The following PAM variants were observed in gnomAD, a reference collection of about 807,000 sequenced individuals.
PAM encodes the protein peptidylglycine alpha-amidating monooxygenase, also known as peptidyl-glycine alpha-amidating monooxygenase.
Under a neutral mutation model 122.1 loss-of-function variants are expected in PAM, and 72 were observed. That is an observed-to-expected ratio of 0.59 (90% CI 0.49 to 0.72). The LOEUF is 0.72. Among genes scored for constraint, PAM ranks in the 30% least tolerant of loss-of-function variants. The pLI is 0.00. For missense variants in PAM, 1,106 were observed against 1,183.7 expected (o/e 0.93, Z 0.96); for synonymous variants, 389 against 404.4 (o/e 0.96, Z 0.46).
At chr5:102,909,798 C>T (rs1253726114) in intron 4 of PAM, among the ~76,000 whole-genome samples, 1 of 151,872 alleles carries the variant, frequency 6.6e-6, no homozygotes, top group African/African-American at 2.4e-5. Context: ...AACACGATTA[C>T]ATTGGGAGGA....
chr5:102,808,223 C>A (rs573853052), intron 1 of PAM: 1 of 152,294 alleles, frequency 6.6e-6, no homozygotes, highest in South Asian at 2.1e-4. Context: ...ACATCTGTAG[C>A]AATGGAAGGT....
Position 102,979,600 on chromosome 5 carries a change from T to C in PAM, c.1483+5164T>C, listed in dbSNP as rs1006281982. Reference sequence around the variant, plus strand: ...TTGTTACACTGAAATTAATTCATAGTTCTGGGTTTGAATTTTTTCCTCAAC... The same window carrying C: ...TTGTTACACTGAAATTAATTCATAGCTCTGGGTTTGAATTTTTTCCTCAAC... On this transcript the variant is annotated intron_variant, in intron 15 of 25. Coordinates refer to ENST00000438793, the MANE Select transcript of PAM (RefSeq NM_001177306.2). 2.0e-5 allele frequency among the ~76,000 whole-genome samples: 3 copies of C among 152,224 alleles called. No homozygotes were observed. The South Asian group carries it at 6.2e-4, about 32-fold the overall frequency.
chr5:102,773,711 T>C (rs1028139253), intron 1 of PAM, among the ~76,000 whole-genome samples: 2 of 152,082 alleles, frequency 1.3e-5, no homozygotes, highest in African/African-American at 4.8e-5. Context: ...CATTAGTTAA[T>C]TAACTTATTT....
intron 5 of PAM, among the ~76,000 whole-genome samples, chr5:102,921,518 T>C (rs1385226758): frequency 6.6e-6 from 1 of 152,154 alleles, no homozygotes; most frequent in African/African-American, 2.4e-5. Context: ...TTAGGATTAG[T>C]TCCAATGCCC....
chr5:102,792,936 G>C (rs757058833), intron 1 of PAM, among the ~76,000 whole-genome samples: 5 of 152,126 alleles, frequency 3.3e-5, no homozygotes, highest in Non-Finnish European at 5.9e-5. Flanking sequence ...GTGCCTCCTA[G>C]TGGAGTCTAG....
At position 102,867,357 on chromosome 5, in the gene PAM, A is replaced by G; in HGVS notation, c.174A>G (p.Ala58=). The stretch of plus-strand genomic sequence containing the variant: ...TTCCTATTGATTCATCAGATTTTGC[A>G]TTGGATATTCGCATGCCTGGGGTTA... ...PVVPIDSSDF[A]LDIRMPGVTP... Residue 58 remains alanine, a synonymous_variant, in exon 3 of 26, where the codon GCA becomes GCG. Transcript: ENST00000438793. The G allele has an allele frequency of 6.2e-7, 1 of 1,609,620 alleles. No homozygotes were observed. Among genetic ancestry groups the G allele is most frequent in the Non-Finnish European group, 8.5e-7 (1 of 1,176,034 alleles).
At chr5:103,029,940 G>A (rs116610849), downstream of PAM, 274 of 152,264 alleles carry the variant, frequency 1.8e-3, no homozygotes, top group African/African-American at 6.3e-3. Flanking sequence ...AATCCAAAGA[G>A]GGTTTTTGCC....
intron 15 of PAM, chr5:102,987,592 CCT>C (rs1216119114): frequency 2.2e-6 from 1 of 449,284 alleles, no homozygotes; most frequent in East Asian, 7.0e-5. Context: ...TTCTAAATAC[CCT>C]GATTTGATCA....
intron 1 of PAM, among the ~76,000 whole-genome samples, chr5:102,793,017 G>A (rs1358411274): frequency 3.3e-5 from 5 of 152,078 alleles, no homozygotes; most frequent in African/African-American, 1.2e-4. Context: ...ATCATGGTTG[G>A]TTATGAATCT....
At position 102,792,881 on chromosome 5, in the gene PAM, A is replaced by C. The variant is rs111842131; in HGVS notation, c.-374+37533A>C. The stretch of plus-strand genomic sequence containing the variant: ...TTTCTGCAGCCACACACACACAAAA[A>C]GTGACACAAAAGTATTAGGTCATAC... On this transcript the variant is annotated intron_variant, in intron 1 of 25. Coordinates refer to ENST00000438793, the MANE Select transcript of PAM (RefSeq NM_001177306.2). Among the ~76,000 whole-genome samples, 1,050 of 152,302 alleles carry C rather than the reference A, an allele frequency of 6.9e-3. 5 individuals are homozygous for C. Among genetic ancestry groups the C allele is most frequent in the African/African-American group, 0.024 (997 of 41,572 alleles).
chr5:102,785,674 T>A (rs1404101150), intron 1 of PAM, among the ~76,000 whole-genome samples: 1 of 152,142 alleles, frequency 6.6e-6, no homozygotes, highest in Non-Finnish European at 1.5e-5. Context: ...TTAAGTGACA[T>A]CATGAAACAA....
At chr5:102,805,315 G>A (rs1012658705) in intron 1 of PAM, among the ~76,000 whole-genome samples, 4 of 151,882 alleles carry the variant, frequency 2.6e-5, no homozygotes, top group Non-Finnish European at 4.4e-5. Flanking sequence ...TGATCTGCTC[G>A]CCTCAGCCTC....
chr5:102,873,214 A>G (rs1375905862), intron 3 of PAM: 1 of 152,116 alleles, frequency 6.6e-6, no homozygotes, highest in African/African-American at 2.4e-5. Context: ...TGAAATTAAA[A>G]TTTCAGTCTT....
chr5:102,768,427 G>A (rs936065851), intron 1 of PAM, among the ~76,000 whole-genome samples: 2 of 151,752 alleles, frequency 1.3e-5, no homozygotes, highest in Admixed American at 1.3e-4. Context: ...GTGCTATCAC[G>A]TACTAGATCT....
intron 16 of PAM, among the ~76,000 whole-genome samples, chr5:102,997,153 G>A (rs557705631): frequency 4.6e-5 from 7 of 152,210 alleles, no homozygotes; most frequent in South Asian, 4.1e-4. Flanking sequence ...GATAGCAAAC[G>A]AAACCTAAAA....
intron 7 of PAM, among the ~76,000 whole-genome samples, chr5:102,934,426 C>G (rs879328400): frequency 1.3e-5 from 2 of 152,176 alleles, no homozygotes; most frequent in African/African-American, 2.4e-5. Context: ...CCTGCTGAAA[C>G]AAGCCTCACC....
chr5:102,880,485 C>T (rs1561739342), intron 3 of PAM, among the ~76,000 whole-genome samples: 1 of 152,068 alleles, frequency 6.6e-6, no homozygotes, highest in African/African-American at 2.4e-5. Flanking sequence ...CATGTCCACT[C>T]ATAATTCAAT....
At position 102,830,246 on chromosome 5, in the gene PAM, A is replaced by T. The variant is rs140072444; in HGVS notation, c.-373-35577A>T. 1.1e-3 allele frequency among the ~76,000 whole-genome samples: 166 copies of T among 152,328 alleles called. 1 individual carries two copies. Among genetic ancestry groups the T allele is most frequent in the Middle Eastern group, 6.8e-3 (2 of 294 alleles). On this transcript the variant is annotated intron_variant, in intron 1 of 25. Transcript: ENST00000438793. ...CCCCATTTTCTCATTTAAGAGTAGC[A>T]TAATTGTTTTTTTTCTTTGTCTTTC... is the stretch of plus-strand genomic sequence containing the variant.
intron 20 of PAM, 112 bp downstream of exon 20, chr5:103,007,769 T>A (rs1249848897): frequency 1.6e-5 from 11 of 668,874 alleles, no homozygotes; most frequent in Non-Finnish European, 2.5e-5. Flanking sequence ...ATATTTCACA[T>A]CTTAAAAGTA....
Sources: gnomAD v4.1 joint callset for allele counts (sites outside exome capture counted in the v4.1 genomes callset) on GRCh38, gnomAD v4.1.1 for gene constraint, MANE v1.5 for transcripts, NCBI Gene and HGNC (gene_info 2026-07-23, HGNC 2026-07-21) for gene names.